The following TTC23 variants were observed in gnomAD, a reference collection of about 807,000 sequenced individuals.
TTC23 encodes the protein tetratricopeptide repeat protein 23.
A neutral mutation model predicts 55.1 loss-of-function variants in TTC23; 58 were observed. The ratio of observed to expected loss-of-function variants is 1.05; its 90% CI spans 0.85 to 1.31. The LOEUF (loss-of-function observed/expected upper bound fraction) is 1.31. Ranked by LOEUF, TTC23 falls within the 50% of genes most tolerant of loss-of-function variation. The pLI, the probability that TTC23 is intolerant of heterozygous loss-of-function variation, is 0.00. For synonymous variants in TTC23, 203 were observed against 199.9 expected, an observed-to-expected ratio of 1.02 and a Z score of -0.13; for missense variants, 516 against 534.4, an observed-to-expected ratio of 0.97 and a Z score of 0.34.
chr15:99,218,492 G>A (rs775108886), intron 8 of TTC23, 96 bp downstream of exon 8: 202 of 1,509,930 alleles, frequency 1.3e-4, no homozygotes, highest in Non-Finnish European at 1.6e-4. Context: ...AGCCATGGCC[G>A]CAGCCTCATG....
intron 8 of TTC23, among the ~76,000 whole-genome samples, chr15:99,203,469 T>C (rs1596630751): frequency 6.6e-6 from 1 of 152,128 alleles, no homozygotes. Context: ...TTCTTTGTGT[T>C]AGGAACATGC....
rs782068752 is a variant in TTC23 at position 99,138,114 on chromosome 15, C to G, written c.1240G>C (p.Ala414Pro). The G allele has an allele frequency of 6.2e-7, 1 of 1,612,628 alleles. No individual in the cohort carries two copies. The highest frequency in any genetic ancestry group is 1.3e-5 in the African/African-American group (1 of 74,876). The change falls in exon 14 of 14, where the codon GCT (alanine) becomes CCT (proline). Residue 414 changes from alanine to proline, a missense_variant. By Grantham distance (27) the Ala-to-Pro change is conservative. Transcript: ENST00000394132. ...MGMLSTAPKV[A>P]SKPRQASKAK... ...TTTGATGCCTGCCTTGGCTTCGAAGCAACCTTGGGGGCCCTGCAGACAAGC... is the reference window on the plus strand; with the variant it reads ...TTTGATGCCTGCCTTGGCTTCGAAGGAACCTTGGGGGCCCTGCAGACAAGC...
intron 8 of TTC23, among the ~76,000 whole-genome samples, chr15:99,206,663 C>T (rs1020268877): frequency 3.1e-4 from 47 of 151,978 alleles, no homozygotes; most frequent in Non-Finnish European, 2.9e-5. Flanking sequence ...GTATTGTCTC[C>T]TTTTTTGTCT....
At chr15:99,202,289 A>C (rs567855317) in intron 8 of TTC23, among the ~76,000 whole-genome samples, 1 of 152,290 alleles carries the variant, frequency 6.6e-6, no homozygotes, top group East Asian at 1.9e-4. Flanking sequence ...GAAGGAAAAA[A>C]ATATTCATCT....
At chr15:99,185,789 G>A (rs908038526) in intron 9 of TTC23, among the ~76,000 whole-genome samples, 4 of 152,156 alleles carry the variant, frequency 2.6e-5, no homozygotes, top group African/African-American at 9.7e-5. Context: ...GGAGGGATGA[G>A]GTAGATGACG....
intron 12 of TTC23, 92 bp from the exon 13 acceptor site, chr15:99,139,491 C>A (rs781951484): frequency 6.3e-7 from 1 of 1,577,308 alleles, no homozygotes. Flanking sequence ...AAGATGACCT[C>A]ATTCTTAGGC....
At position 99,240,989 on chromosome 15, in the gene TTC23, T is replaced by C. The variant is rs533423243; in HGVS notation, c.-114+376A>G. Reference sequence around the variant, plus strand: ...CTTTAAATGTATGTGTTTCAATGTATGTGGCATCACACAGTAACATCCTCA... The same window carrying C: ...CTTTAAATGTATGTGTTTCAATGTACGTGGCATCACACAGTAACATCCTCA... On this transcript the variant is annotated intron_variant, in intron 3 of 13. Coordinates refer to ENST00000394132, the MANE Select transcript of TTC23 (RefSeq NM_001288615.3). Among the ~76,000 whole-genome samples the C allele has an allele frequency of 2.0e-5, 3 of 152,274 alleles. No homozygotes were observed. The South Asian group carries it at 6.2e-4, about 32-fold the overall frequency.
At chr15:99,244,809 G>A (rs552680805) in intron 2 of TTC23, among the ~76,000 whole-genome samples, 2 of 152,180 alleles carry the variant, frequency 1.3e-5, no homozygotes, top group East Asian at 1.9e-4. Flanking sequence ...ATGGAAATAC[G>A]AGACTAAGAA....
At chr15:99,214,034 G>T (rs1475659238) in intron 8 of TTC23, among the ~76,000 whole-genome samples, 1 of 152,188 alleles carries the variant, frequency 6.6e-6, no homozygotes, top group African/African-American at 2.4e-5. Context: ...GCATATCAGA[G>T]AATCACATCC....
intron 5 of TTC23, chr15:99,228,272 CTTTG>C (rs1186509163): frequency 6.6e-6 from 2 of 303,064 alleles, no homozygotes; most frequent in Admixed American, 4.9e-5. Flanking sequence ...GCTGCATCTG[CTTTG>C]TTTGTGTTGT....
chr15:99,225,543 C>T lies in TTC23; in HGVS notation c.180+2990G>A, dbSNP rs117458814. Among the ~76,000 whole-genome samples the T allele has an allele frequency of 4.6e-3, 702 of 152,268 alleles. 1 individual carries two copies. Among genetic ancestry groups the T allele is most frequent in the Non-Finnish European group, 7.1e-3 (483 of 68,034 alleles). ...TCTCACTGGCAGATACGGAACAATCCGAGCTTCCATGAAAATAACAGGTTG... is the reference window on the plus strand; with the variant it reads ...TCTCACTGGCAGATACGGAACAATCTGAGCTTCCATGAAAATAACAGGTTG... On this transcript the variant is annotated intron_variant, in intron 5 of 13. Transcript: ENST00000394132.
chr15:99,190,569 G>A (rs193031282), intron 9 of TTC23, among the ~76,000 whole-genome samples: 3 of 152,222 alleles, frequency 2.0e-5, no homozygotes, highest in Non-Finnish European at 2.9e-5. Flanking sequence ...ATATATATGT[G>A]TGTATGTTTG....
At chr15:99,248,700 G>A (rs1411522228) in intron 1 of TTC23, among the ~76,000 whole-genome samples, 1 of 152,200 alleles carries the variant, frequency 6.6e-6, no homozygotes, top group Admixed American at 6.5e-5. Context: ...CTCTTGAGGG[G>A]CTGGATTTTA....
chr15:99,170,267 C>A (rs1480299190), intron 10 of TTC23, among the ~76,000 whole-genome samples: 1 of 152,096 alleles, frequency 6.6e-6, no homozygotes, highest in Non-Finnish European at 1.5e-5. Context: ...GCTTGTGCGT[C>A]GAGACTGAAA....
intron 12 of TTC23, among the ~76,000 whole-genome samples, chr15:99,148,235 C>A (rs1462439438): frequency 6.6e-6 from 1 of 151,674 alleles, no homozygotes; most frequent in South Asian, 2.1e-4. Flanking sequence ...GTGGCACATG[C>A]CTGTAGTCCA....
At position 99,218,916 on chromosome 15, in the gene TTC23, G is replaced by C; in HGVS notation, c.437C>G (p.Ala146Gly). 1 of 1,613,986 alleles carries C rather than the reference G, an allele frequency of 6.2e-7. No homozygotes were observed. The highest frequency in any genetic ancestry group is 8.5e-7 in the Non-Finnish European group (1 of 1,179,918). ...SIELFHTMGR[A>G]LLSLQKFKEA... ...AGGATACTTTTGAAGGGAGAGTAAA[G>C]CTCTGCCCATGGTATGGAAAAGCTC... Residue 146 changes from alanine (A) to glycine (G), a missense_variant, in exon 7 of 14, where the codon GCT (alanine) becomes GGT (glycine). Ala to Gly is a moderately conservative substitution (Grantham distance 60). Transcript: ENST00000394132.
chr15:99,206,473 G>T (rs887890270), intron 8 of TTC23, among the ~76,000 whole-genome samples: 3 of 152,092 alleles, frequency 2.0e-5, no homozygotes, highest in African/African-American at 7.2e-5. Context: ...TTCTATCAAT[G>T]CTTCTATCTT....
intron 10 of TTC23, among the ~76,000 whole-genome samples, chr15:99,166,614 G>A (rs1485810883): frequency 6.6e-6 from 1 of 152,216 alleles, no homozygotes; most frequent in Non-Finnish European, 1.5e-5. Context: ...CAGGCGTTGT[G>A]GTGGGCAGAC....
intron 10 of TTC23, among the ~76,000 whole-genome samples, chr15:99,173,678 T>G (rs1049521206): frequency 2.6e-5 from 4 of 152,206 alleles, no homozygotes; most frequent in Admixed American, 2.0e-4. Flanking sequence ...TCTGCCAATA[T>G]AAGCCTCCCT....
Sources: allele counts gnomAD v4.1 joint callset (sites outside exome capture counted in the v4.1 genomes callset), GRCh38; gene constraint gnomAD v4.1.1; transcripts MANE v1.5; gene names NCBI Gene and HGNC (gene_info 2026-07-23, HGNC 2026-07-21).